The following RASSF1 variants were observed in gnomAD, a reference collection of about 807,000 sequenced individuals.
RASSF1 encodes ras association domain-containing protein 1.
In RASSF1, 33 loss-of-function variants were observed where a neutral mutation model predicts 34.3. The ratio of observed to expected loss-of-function variants is 0.96; its 90% confidence interval spans 0.73 to 1.29. The LOEUF is 1.29. RASSF1 is among the 50% of genes most tolerant of loss of function. The pLI, the probability that RASSF1 is intolerant of heterozygous loss-of-function variation, is 0.00. For synonymous variants in RASSF1, 191 were observed against 195.0 expected (o/e 0.98, Z 0.17); for missense variants, 445 against 471.8 (o/e 0.94, Z 0.53).
In RASSF1 at chr3:50,337,911, C is replaced by T. The variant is rs781031818; in HGVS notation, c.351G>A (p.Thr117=). The T allele has an allele frequency of 6.2e-7, 1 of 1,606,092 alleles. No individual in the cohort carries two copies. The highest frequency in any genetic ancestry group is 1.3e-5 in the African/African-American group (1 of 74,756). The change falls in exon 2 of 6, where the codon ACG becomes ACA. Residue 117 remains threonine (T), a synonymous_variant. Coordinates refer to ENST00000359365, the MANE Select transcript of RASSF1 (RefSeq NM_007182.5). Reference sequence around the variant, plus strand: ...CCCTCGGCCCCGCGCTCACCACGTTCGTGTCCCGCTCCACCGCGGGTTCCC... The same window carrying T: ...CCCTCGGCCCCGCGCTCACCACGTTTGTGTCCCGCTCCACCGCGGGTTCCC... ...LGWEPAVERD[T]NVDEPVEWET...
chr3:50,337,118 G>A, intron 2 of RASSF1: 2 of 1,514,334 alleles, frequency 1.3e-6, no homozygotes, highest in South Asian at 2.5e-5. Context: ...ACCGGGGAGG[G>A]CGGAGCTCCA....
Position 50,331,752 on chromosome 3 carries a change from C to T in RASSF1, c.567G>A (p.Arg189=). ...SKKPPSLQDA[R]RGPGRGTSVR... is the part of the protein sequence containing the mutation. ...CACTTGTGCCCCGTCCTGGGCCCCG[C>T]CGGGCATCCTGCAAGGAGGGTGGCT... is the stretch of plus-strand genomic sequence containing the variant. Residue 189 remains arginine, a synonymous_variant, in exon 4 of 6, where the codon CGG becomes CGA. Coordinates refer to ENST00000359365, the MANE Select transcript of RASSF1 (RefSeq NM_007182.5). 1 of 1,610,366 alleles carries T rather than the reference C, an allele frequency of 6.2e-7. No homozygotes were observed.
At chr3:50,332,976 C>G (rs1381618837) in intron 2 of RASSF1, among the ~76,000 whole-genome samples, 1 of 152,178 alleles carries the variant, frequency 6.6e-6, no homozygotes, top group Non-Finnish European at 1.5e-5. Context: ...TGCCTGTAAT[C>G]CCAGCTACTT....
intron 1 of RASSF1, 101 bp from the exon 2 acceptor site, chr3:50,338,112 T>G (rs1703231890): frequency 6.6e-7 from 1 of 1,504,690 alleles, no homozygotes; most frequent in East Asian, 2.5e-5. Context: ...CTCGCCAGGC[T>G]CCGCAGGCCC....
chr3:50,331,706 A>G lies in RASSF1; in HGVS notation c.613T>C (p.Tyr205His), dbSNP rs1702949211. 1.2e-6 allele frequency: 2 copies of G among 1,613,050 alleles called. No homozygotes were observed. The highest frequency in any genetic ancestry group is 1.7e-6 in the Non-Finnish European group (2 of 1,179,444). ...TGCTTGACAGCATCCTTGGGCAGGT[A>G]AAAGGAAGTGCGGCGCCTGACACTT... ...GTSVRRRTSF[Y>H]LPKDAVKHLH... The change falls in exon 4 of 6, where the codon TAC becomes CAC. Residue 205 changes from tyrosine to histidine, a missense_variant. Coordinates refer to ENST00000359365, the MANE Select transcript of RASSF1 (RefSeq NM_007182.5).
In RASSF1 at chr3:50,338,585, C is replaced by T. The variant is rs188130364; in HGVS notation, c.251-574G>A. On this transcript the variant is annotated intron_variant, in intron 1 of 5. Transcript: ENST00000359365. ...TTGAGCCACCGCACCCGGCCCTTCA[C>T]TGGGAACGTATATGGAATACATCTG... is the stretch of plus-strand genomic sequence containing the variant. Among the ~76,000 whole-genome samples the T allele has an allele frequency of 2.6e-3, 398 of 152,316 alleles. 2 individuals carry two copies. The highest frequency in any genetic ancestry group is 9.2e-3 in the African/African-American group (382 of 41,566).
chr3:50,334,607 T>G (rs1703060157), intron 2 of RASSF1, among the ~76,000 whole-genome samples: 1 of 152,184 alleles, frequency 6.6e-6, no homozygotes. Context: ...GCTAACTTGT[T>G]CTTGTGATGG....
At chr3:50,334,811 A>C (rs931869658) in intron 2 of RASSF1, among the ~76,000 whole-genome samples, 1 of 152,278 alleles carries the variant, frequency 6.6e-6, no homozygotes, top group African/African-American at 2.4e-5. Flanking sequence ...TAAAGGAGGA[A>C]GAGTTTCTTT....
At chr3:50,339,405 G>T (rs1482666399) in intron 1 of RASSF1, among the ~76,000 whole-genome samples, 5 of 125,870 alleles carry the variant, frequency 4.0e-5, no homozygotes, top group African/African-American at 1.6e-4. Flanking sequence ...TCACTCTGTC[G>T]CCAAGGCTGG....
In RASSF1 at chr3:50,331,363, G is replaced by A; in HGVS notation, c.847C>T (p.Leu283=). ...ACCTCCCCAGAGTCATTTTCCTTCAGGACAAAGCTCAGGGCCTTGTCACTG... is the reference window on the plus strand; with the variant it reads ...ACCTCCCCAGAGTCATTTTCCTTCAAGACAAAGCTCAGGGCCTTGTCACTG... ...GPSDKALSFV[L]KENDSGEVNW... The change falls in exon 5 of 6, where the codon CTG becomes TTG. Residue 283 remains leucine (L), a synonymous_variant. Coordinates refer to ENST00000359365, the MANE Select transcript of RASSF1 (RefSeq NM_007182.5). 1 of 1,602,864 alleles carries A rather than the reference G, an allele frequency of 6.2e-7. No homozygotes were observed. Among genetic ancestry groups the A allele is most frequent in the African/African-American group, 1.3e-5 (1 of 74,526 alleles).
intron 2 of RASSF1, chr3:50,337,674 C>G (rs1397532057): frequency 1.2e-5 from 11 of 885,570 alleles, no homozygotes; most frequent in Non-Finnish European, 1.2e-5. Flanking sequence ...TGCGCGTGCG[C>G]GGAGCCTGGG....
chr3:50,331,911 C>A, intron 3 of RASSF1, 55 bp from the exon 4 acceptor site: 1 of 1,546,546 alleles, frequency 6.5e-7, no homozygotes, highest in South Asian at 1.2e-5. Context: ...AGATGTCAGT[C>A]TACTTGGGGC....
intron 1 of RASSF1, among the ~76,000 whole-genome samples, chr3:50,339,984 G>A (rs1018592256): frequency 6.6e-6 from 1 of 152,222 alleles, no homozygotes; most frequent in Non-Finnish European, 1.5e-5. Flanking sequence ...CTACCCAGGG[G>A]AGAGCAACCT....
intron 2 of RASSF1, among the ~76,000 whole-genome samples, chr3:50,335,266 CT>C (rs201008830): frequency 1.4e-5 from 2 of 143,282 alleles, no homozygotes; most frequent in Admixed American, 6.9e-5. Context: ...ATGTTTTTTT[CT>C]TTTTTTTTAA....
intron 2 of RASSF1, among the ~76,000 whole-genome samples, chr3:50,335,598 C>T (rs1365444462): frequency 6.6e-6 from 1 of 151,874 alleles, no homozygotes; most frequent in Non-Finnish European, 1.5e-5. Context: ...AGATTACAGG[C>T]ATGAGTCACC....
chr3:50,332,747 G>A (rs1214127444), intron 2 of RASSF1, among the ~76,000 whole-genome samples: 1 of 152,044 alleles, frequency 6.6e-6, no homozygotes, highest in Non-Finnish European at 1.5e-5. Flanking sequence ...AGCTATTATC[G>A]TGTCACTGCA....
chr3:50,339,337 C>T (rs587644426), intron 1 of RASSF1, among the ~76,000 whole-genome samples: 2 of 151,170 alleles, frequency 1.3e-5, no homozygotes, highest in Non-Finnish European at 2.9e-5. Context: ...TCTTTGAGAA[C>T]GCTGCAATGT....
intron 2 of RASSF1, 73 bp downstream of exon 2, chr3:50,337,832 C>T: frequency 7.3e-7 from 1 of 1,375,066 alleles, no homozygotes; most frequent in Non-Finnish European, 1.0e-6. Context: ...GGCACCCAGG[C>T]AGCCCTCGAG....
intron 2 of RASSF1, chr3:50,337,238 C>A (rs1192437325): frequency 6.2e-7 from 1 of 1,613,150 alleles, no homozygotes; most frequent in East Asian, 2.2e-5. Flanking sequence ...AGCTCCGAGT[C>A]CGAGTCCTCT....
Sources: allele counts gnomAD v4.1 joint callset (sites outside exome capture counted in the v4.1 genomes callset), GRCh38; gene constraint gnomAD v4.1.1; transcripts MANE v1.5; gene names NCBI Gene and HGNC (gene_info 2026-07-23, HGNC 2026-07-21).